UGT1A10: variants seen among roughly 807,000 people sequenced by gnomAD.
UGT1A10 encodes the protein UDP glucuronosyltransferase family 1 member A10.
A neutral mutation model predicts 45.8 loss-of-function variants in UGT1A10; 49 were observed. The ratio of observed to expected loss-of-function variants is 1.07; its 90% confidence interval spans 0.85 to 1.36. UGT1A10 has a LOEUF of 1.36. Among genes scored for constraint, UGT1A10 ranks in the 40% most tolerant of loss-of-function variants. UGT1A10 has a pLI of 0.00. For missense variants in UGT1A10, 745 were observed against 668.6 expected, an observed-to-expected ratio of 1.11 and a Z score of -1.26; for synonymous variants, 284 against 249.7, an observed-to-expected ratio of 1.14 and a Z score of -1.29.
rs569277751 is a variant in UGT1A10 at position 233,714,539 on chromosome 2, G to A, written c.856-52495G>A. ...TAGGTTAACTTCATGGTCTAATACC[G>A]AAGTGTCCAATAGAAATATCATGTA... On this transcript the variant is annotated intron_variant, in intron 1 of 4. Transcript: ENST00000344644. Among the ~76,000 whole-genome samples the A allele has an allele frequency of 4.3e-4, 65 of 152,304 alleles. 2 individuals are homozygous for A. The South Asian group carries it at 7.5e-3, about 18-fold the overall frequency.
chr2:233,757,044 A>T (rs1411336170), intron 1 of UGT1A10, among the ~76,000 whole-genome samples: 1 of 151,696 alleles, frequency 6.6e-6, no homozygotes, highest in Non-Finnish European at 1.5e-5. Flanking sequence ...CATCAAAGGA[A>T]GTTTGGGGAA....
chr2:233,713,095 C>T (rs2076277605), intron 1 of UGT1A10: 1 of 1,614,166 alleles, frequency 6.2e-7, no homozygotes, highest in Non-Finnish European at 8.5e-7. Flanking sequence ...CTGGTGGTGC[C>T]CACTGATGGC....
intron 1 of UGT1A10, among the ~76,000 whole-genome samples, chr2:233,716,917 G>A (rs2076533207): frequency 6.6e-6 from 1 of 152,116 alleles, no homozygotes. Flanking sequence ...CCTGGAAGCT[G>A]ATGCCTTGGG....
chr2:233,720,446 C>A (rs2076860422), intron 1 of UGT1A10, among the ~76,000 whole-genome samples: 1 of 152,024 alleles, frequency 6.6e-6, no homozygotes, highest in African/African-American at 2.4e-5. Context: ...TCTATAAGCC[C>A]AGTGAAGCTG....
chr2:233,726,116 T>C (rs1575565636), intron 1 of UGT1A10, among the ~76,000 whole-genome samples: 1 of 152,166 alleles, frequency 6.6e-6, no homozygotes, highest in East Asian at 1.9e-4. Flanking sequence ...CAGTGTGCCA[T>C]GTTCACACCA....
At chr2:233,716,884 C>G (rs1681391448) in intron 1 of UGT1A10, among the ~76,000 whole-genome samples, 2 of 152,140 alleles carry the variant, frequency 1.3e-5, no homozygotes, top group African/African-American at 4.8e-5. Flanking sequence ...CTGTGCAGCC[C>G]AGACCCCTCC....
At chr2:233,648,274 G>T (rs1287065587) in intron 1 of UGT1A10, 4 of 611,946 alleles carry the variant, frequency 6.5e-6, no homozygotes, top group Non-Finnish European at 1.2e-5. Context: ...GGTGTTTCTG[G>T]ATCCTTTAGA....
rs184388078 is a variant in UGT1A10 at position 233,743,692 on chromosome 2, G to A, written c.856-23342G>A. ...CGAAGGGCCTGCCGCCTGTGCAGCCGCCCTCCGCCCCCGCCTCGCCATAGC... is the reference window on the plus strand; with the variant it reads ...CGAAGGGCCTGCCGCCTGTGCAGCCACCCTCCGCCCCCGCCTCGCCATAGC... On this transcript the variant is annotated intron_variant, in intron 1 of 4. Coordinates refer to ENST00000344644, the MANE Select transcript of UGT1A10 (RefSeq NM_019075.4). The A allele has an allele frequency of 3.6e-4, 492 of 1,367,218 alleles. 1 individual carries two copies. Among genetic ancestry groups the A allele is most frequent in the Non-Finnish European group, 4.5e-4 (457 of 1,021,852 alleles). 84.7% of individuals were successfully genotyped at this position (1,367,218 alleles called of 1,614,324 possible). A position where few individuals can be genotyped will look rare whatever the true frequency, so the allele number is the denominator to read the frequency against.
chr2:233,760,379 T>G lies in UGT1A10; in HGVS notation c.856-6655T>G. On this transcript the variant is annotated intron_variant, in intron 1 of 4. Transcript: ENST00000344644. Reference sequence around the variant, plus strand: ...GTGGTGTCCCATGCTGGGAAGATACTGTTGATCCCAGTGGATGGCAGCCAC... The same window carrying G: ...GTGGTGTCCCATGCTGGGAAGATACGGTTGATCCCAGTGGATGGCAGCCAC... 6.2e-7 allele frequency: 1 copy of G among 1,614,196 alleles called. No homozygotes were observed. Among genetic ancestry groups the G allele is most frequent in the Non-Finnish European group, 8.5e-7 (1 of 1,180,016 alleles).
chr2:233,672,668 A>G, intron 1 of UGT1A10: 2 of 1,613,924 alleles, frequency 1.2e-6, no homozygotes, highest in African/African-American at 1.3e-5. Flanking sequence ...TATGATCTCT[A>G]CAGCCACACA....
At chr2:233,712,928 A>G in intron 1 of UGT1A10, 1 of 1,612,102 alleles carries the variant, frequency 6.2e-7, no homozygotes, top group East Asian at 2.2e-5. Flanking sequence ...AATTAAGACG[A>G]AGGAAACAAT....
At chr2:233,747,632 C>T in intron 1 of UGT1A10, 1 of 1,580,404 alleles carries the variant, frequency 6.3e-7, no homozygotes, top group Non-Finnish European at 8.7e-7. Flanking sequence ...TGATCAGGCA[C>T]CTGAATGCTA....
chr2:233,691,858 T>G (rs966691161), intron 1 of UGT1A10: 1 of 157,408 alleles, frequency 6.4e-6, no homozygotes, highest in Non-Finnish European at 1.4e-5. Context: ...TTGTGATGTA[T>G]AATAAGAAAT....
At chr2:233,695,130 C>CTTTCTTTTTTTTTTTTTTT (rs1364557158) in intron 1 of UGT1A10, among the ~76,000 whole-genome samples, 1 of 138,838 alleles carries the variant, frequency 7.2e-6, no homozygotes. Flanking sequence ...CTTTTCTTTT[C>CTTTCTTTTTTTTTTTTTTT]TTTTTTTTTT....
chr2:233,749,872 A>G (rs1694289871), intron 1 of UGT1A10, among the ~76,000 whole-genome samples: 1 of 151,942 alleles, frequency 6.6e-6, no homozygotes, highest in South Asian at 2.1e-4. Context: ...TGCCAGGATT[A>G]TAAGTTTCCT....
Position 233,638,170 on chromosome 2 carries a change from A to G in UGT1A10, c.855+793A>G, listed in dbSNP as rs555185041. 4.6e-5 allele frequency among the ~76,000 whole-genome samples: 7 copies of G among 152,312 alleles called. No individual in the cohort carries two copies. The South Asian group carries it at 1.0e-3, about 23-fold the overall frequency. On this transcript the variant is annotated intron_variant, in intron 1 of 4. Transcript: ENST00000344644. ...CTATTAAGTCTTCCTGTTCAGGAAC[A>G]TATATGTCTCACTATTTATTCAGAT... is the stretch of plus-strand genomic sequence containing the variant.
At chr2:233,713,388 CATA>C (rs1316037917) in intron 1 of UGT1A10, 2 of 1,614,028 alleles carry the variant, frequency 1.2e-6, no homozygotes, top group Non-Finnish European at 1.7e-6. Flanking sequence ...GGAGCTACTG[CATA>C]ATGAGGCCCT....
chr2:233,769,665 G>A lies in UGT1A10; in HGVS notation c.1295+1226G>A. 6.3e-7 allele frequency: 1 copy of A among 1,592,194 alleles called. No individual in the cohort carries two copies. Among genetic ancestry groups the A allele is most frequent in the Non-Finnish European group, 8.6e-7 (1 of 1,169,328 alleles). On this transcript the variant is annotated intron_variant, in intron 4 of 4. Transcript: ENST00000344644. The surrounding 1 kb of genome is among the most constrained non-coding windows in gnomAD (Gnocchi z 4.4). ...TGATGACTGACTTCCCACCTTTGAG[G>A]TGCTAATGTGTGTGTGGTGGCACTG...
Position 233,760,573 on chromosome 2 carries a change from G to A in UGT1A10, c.856-6461G>A, listed in dbSNP as rs1208621089. The A allele has an allele frequency of 1.1e-5, 18 of 1,614,052 alleles. No individual in the cohort carries two copies. The highest frequency in any genetic ancestry group is 2.7e-5 in the African/African-American group (2 of 74,912). ...TGTGAAAGAGTCTTTTGTTAGTCTC[G>A]GGCATAATGTTTTTGAGAATGATTC... On this transcript the variant is annotated intron_variant, in intron 1 of 4. Coordinates refer to ENST00000344644, the MANE Select transcript of UGT1A10 (RefSeq NM_019075.4).
Sources: gnomAD v4.1 joint callset for allele counts (sites outside exome capture counted in the v4.1 genomes callset) on GRCh38, gnomAD v4.1.1 for gene constraint, Gnocchi (gnomAD v3.1) non-coding constraint, MANE v1.5 for transcripts, NCBI Gene and HGNC (gene_info 2026-07-23, HGNC 2026-07-21) for gene names.